PPP3CA: variants seen among roughly 807,000 people sequenced by gnomAD.
PPP3CA encodes the protein CAM-PRP catalytic subunit.
Under a neutral mutation model 66.5 loss-of-function variants are expected in PPP3CA, and 14 were observed. The ratio of observed to expected loss-of-function variants is 0.21; its 90% CI spans 0.14 to 0.33. The LOEUF (loss-of-function observed/expected upper bound fraction) is 0.33. PPP3CA is among the 10% of genes least tolerant of loss of function. The pLI, the probability that PPP3CA is intolerant of heterozygous loss-of-function variation, is 1.00. For synonymous variants in PPP3CA, 232 were observed against 226.2 expected, an observed-to-expected ratio of 1.03 and a Z score of -0.23; for missense variants, 317 against 639.5, an observed-to-expected ratio of 0.50 and a Z score of 5.44.
intron 13 of PPP3CA, 152 bp from the exon 14 acceptor site, chr4:101,026,213 G>A: frequency 1.7e-6 from 1 of 605,166 alleles, no homozygotes; most frequent in Non-Finnish European, 2.8e-6. Context: ...CCACACAACA[G>A]ACTCCTTACC....
intron 10 of PPP3CA, among the ~76,000 whole-genome samples, chr4:101,042,885 G>C (rs1431174743): frequency 6.8e-6 from 1 of 147,512 alleles, no homozygotes; most frequent in Non-Finnish European, 1.5e-5. Context: ...ATATATTTCA[G>C]TTATTCCATT....
chr4:101,038,433 G>A (rs527676188), intron 11 of PPP3CA, among the ~76,000 whole-genome samples: 23 of 150,722 alleles, frequency 1.5e-4, no homozygotes, highest in African/African-American at 2.7e-4. Flanking sequence ...GCAGTGGCGC[G>A]ATCTCGGCTT....
At chr4:101,148,395 G>A (rs753562151) in intron 2 of PPP3CA, among the ~76,000 whole-genome samples, 2 of 151,920 alleles carry the variant, frequency 1.3e-5, no homozygotes, top group Admixed American at 6.6e-5. Context: ...CTCAGTTGCC[G>A]TAGTTAGGCT....
chr4:101,285,489 T>C (rs1324677136), intron 1 of PPP3CA, among the ~76,000 whole-genome samples: 1 of 152,176 alleles, frequency 6.6e-6, no homozygotes, highest in African/African-American at 2.4e-5. Context: ...CCCCTTCTTA[T>C]ATCACATTGC....
At chr4:101,189,556 C>A (rs1470154032) in intron 2 of PPP3CA, among the ~76,000 whole-genome samples, 1 of 151,672 alleles carries the variant, frequency 6.6e-6, no homozygotes, top group African/African-American at 2.4e-5. Context: ...GCTGGGTAAC[C>A]ATAGTAAGAT....
In PPP3CA at chr4:101,074,630, C is replaced by T. The variant is rs1189921287; in HGVS notation, c.955+5902G>A. Among the ~76,000 whole-genome samples, 11 of 152,272 alleles carry T rather than the reference C, an allele frequency of 7.2e-5. No homozygotes were observed. In the East Asian group the frequency reaches 1.2e-3, roughly 16 times the overall value. On this transcript the variant is annotated intron_variant, in intron 8 of 13. Transcript: ENST00000394854. ...ATTCCATTCTCTCTTACAATGGTAT[C>T]TTCCTGCCAAGCCAGAAATTCTCTT... is the stretch of plus-strand genomic sequence containing the variant.
chr4:101,251,294 A>C (rs1178735201), intron 1 of PPP3CA, among the ~76,000 whole-genome samples: 1 of 152,134 alleles, frequency 6.6e-6, no homozygotes, highest in Non-Finnish European at 1.5e-5. Context: ...ATGTTTTCCC[A>C]AAGAAGTAAA....
At chr4:101,050,627 C>T (rs780154626) in intron 10 of PPP3CA, among the ~76,000 whole-genome samples, 1 of 152,116 alleles carries the variant, frequency 6.6e-6, no homozygotes, top group African/African-American at 2.4e-5. Context: ...AAACATTATT[C>T]GCCTAAGGTC....
At chr4:101,304,604 G>T (rs1256889527) in intron 1 of PPP3CA, among the ~76,000 whole-genome samples, 1 of 152,048 alleles carries the variant, frequency 6.6e-6, no homozygotes, top group African/African-American at 2.4e-5. Context: ...ACAAGACTTC[G>T]AACAATTTCC....
At chr4:101,104,431 G>A (rs917822862) in intron 3 of PPP3CA, among the ~76,000 whole-genome samples, 1 of 151,224 alleles carries the variant, frequency 6.6e-6, no homozygotes, top group Non-Finnish European at 1.5e-5. Context: ...ATATAATAGT[G>A]TGTACCAGTT....
intron 2 of PPP3CA, among the ~76,000 whole-genome samples, chr4:101,112,749 A>G (rs560306310): frequency 2.0e-5 from 3 of 152,248 alleles, no homozygotes; most frequent in East Asian, 1.9e-4. Flanking sequence ...TCCCTCCACT[A>G]TCATCCTTCA....
At chr4:101,118,235 A>G (rs1178513899) in intron 2 of PPP3CA, among the ~76,000 whole-genome samples, 1 of 152,010 alleles carries the variant, frequency 6.6e-6, no homozygotes, top group African/African-American at 2.4e-5. Flanking sequence ...AGTATAGTGC[A>G]ATGGTTAGGA....
At chr4:101,108,813 AAT>A (rs1446519018) in intron 3 of PPP3CA, 139 bp downstream of exon 3, 11 of 811,176 alleles carry the variant, frequency 1.4e-5, no homozygotes, top group Admixed American at 2.7e-5. Flanking sequence ...CTGAAAATAT[AAT>A]ATGTAATATC....
chr4:101,106,373 A>G (rs774053127), intron 3 of PPP3CA, among the ~76,000 whole-genome samples: 32 of 14,120 alleles, frequency 2.3e-3, no homozygotes, highest in South Asian at 4.5e-3. Flanking sequence ...TAAAAGAGAG[A>G]AAAGAAAGAA....
chr4:101,227,905 CT>C (rs1725834624), intron 1 of PPP3CA, among the ~76,000 whole-genome samples: 1 of 151,650 alleles, frequency 6.6e-6, no homozygotes, highest in South Asian at 2.1e-4. Flanking sequence ...ATGTCTCATT[CT>C]TTTTTCCTGG....
chr4:101,312,152 T>C (rs1728742133), intron 1 of PPP3CA, among the ~76,000 whole-genome samples: 1 of 152,184 alleles, frequency 6.6e-6, no homozygotes, highest in South Asian at 2.1e-4. Context: ...TACATATACT[T>C]TTGATTAAAC....
At chr4:101,147,416 T>A (rs148464934) in intron 2 of PPP3CA, among the ~76,000 whole-genome samples, 6 of 152,284 alleles carry the variant, frequency 3.9e-5, no homozygotes, top group Admixed American at 1.3e-4. Flanking sequence ...CTGTCATGTA[T>A]GATCAAAGAA....
At chr4:101,106,131 T>C (rs1053565876) in intron 3 of PPP3CA, among the ~76,000 whole-genome samples, 2 of 151,938 alleles carry the variant, frequency 1.3e-5, no homozygotes, top group African/African-American at 4.8e-5. Context: ...GAGACCAGCC[T>C]GGGCAACTTC....
chr4:101,219,025 T>C (rs1400583572), intron 1 of PPP3CA, among the ~76,000 whole-genome samples: 3 of 152,080 alleles, frequency 2.0e-5, no homozygotes, highest in Non-Finnish European at 4.4e-5. Context: ...TTTGTTAAAG[T>C]GCCTATTATG....
Sources: gnomAD v4.1 joint callset for allele counts (sites outside exome capture counted in the v4.1 genomes callset) on GRCh38, gnomAD v4.1.1 for gene constraint, MANE v1.5 for transcripts, NCBI Gene and HGNC (gene_info 2026-07-23, HGNC 2026-07-21) for gene names.